PNPLA7: variants seen among roughly 807,000 people sequenced by gnomAD.
The protein encoded by PNPLA7 is patatin like domain 7, lysophospholipase, also known as patatin-like phospholipase domain-containing protein 7.
In PNPLA7, 153 loss-of-function variants were observed where a neutral mutation model predicts 161.7. That is an observed-to-expected ratio of 0.95 (90% CI 0.83 to 1.08). PNPLA7 has a LOEUF of 1.08. Among genes scored for constraint, PNPLA7 ranks in the 50% least tolerant of loss-of-function variants. The pLI, the probability that PNPLA7 is intolerant of heterozygous loss-of-function variation, is 0.00. For missense variants in PNPLA7, 1,739 were observed against 1,856.6 expected (o/e 0.94, Z 1.16); for synonymous variants, 809 against 782.1 (o/e 1.03, Z -0.57).
In PNPLA7 at chr9:137,518,543, TC is replaced by T. The variant is rs553883442; in HGVS notation, c.1084+1373del. ...CACTCACTCCACTCTGCTCACTCCA[TC>T]CCCCACTCACTCGCTCCACTCTGTC... On this transcript the variant is annotated intron_variant, in intron 11 of 34. Coordinates refer to ENST00000406427, the MANE Select transcript of PNPLA7 (RefSeq NM_001098537.3). Among the ~76,000 whole-genome samples, 53 of 54,750 alleles carry T rather than the reference TC, an allele frequency of 9.7e-4. 1 individual carries two copies. Among genetic ancestry groups the T allele is most frequent in the Non-Finnish European group, 1.5e-3 (42 of 28,906 alleles). 35.9% of individuals were successfully genotyped at this position (54,750 alleles called of 152,430 possible). A position where few individuals can be genotyped will look rare whatever the true frequency, so the allele number is the denominator to read the frequency against.
Position 137,500,874 on chromosome 9 carries a change from A to G in PNPLA7, c.1574T>C (p.Val525Ala). The change falls in exon 16 of 35, where the codon GTC becomes GCC. Residue 525 changes from valine (V) to alanine (A), a missense_variant. Val to Ala is a moderately conservative substitution (Grantham distance 64). Transcript: ENST00000406427. This position sits in a 1 kb window ranked among gnomAD's most constrained non-coding sequence, Gnocchi z 5.5. Reference protein sequence around the residue: ...GDQDASILFVVSGLLHVYQRK... With the variant: ...GDQDASILFVASGLLHVYQRK... Reference sequence around the variant, plus strand: ...CTGGTACACGTGCAGCAGCCCCGAGACCACGAACAGGATGCTGGCGTCCTG... The same window carrying G: ...CTGGTACACGTGCAGCAGCCCCGAGGCCACGAACAGGATGCTGGCGTCCTG... The G allele has an allele frequency of 1.3e-6, 2 of 1,581,188 alleles. No individual in the cohort carries two copies. The highest frequency in any genetic ancestry group is 4.6e-5 in the East Asian group (2 of 43,800).
intron 12 of PNPLA7, among the ~76,000 whole-genome samples, chr9:137,510,037 A>C (rs1834134287): frequency 6.6e-6 from 1 of 152,194 alleles, no homozygotes; most frequent in Admixed American, 6.5e-5. Flanking sequence ...CAAGAGTGCG[A>C]GCCTTCTGTT....
rs895978637 is a variant in PNPLA7, at chr9:137,520,791, C to T, written c.958-748G>A. 3.9e-5 allele frequency among the ~76,000 whole-genome samples: 6 copies of T among 152,216 alleles called. No homozygotes were observed. The highest frequency in any genetic ancestry group is 1.2e-4 in the African/African-American group (5 of 41,460). On this transcript the variant is annotated intron_variant, in intron 10 of 34. Coordinates refer to ENST00000406427, the MANE Select transcript of PNPLA7 (RefSeq NM_001098537.3). The surrounding 1 kb of genome is among the most constrained non-coding windows in gnomAD (Gnocchi z 5.2). ...GAGCCGGGGTTGACAGCCTTGTGCC[C>T]TTGACAATGCGCTGTACCCTCCAAA...
intron 10 of PNPLA7, among the ~76,000 whole-genome samples, chr9:137,521,070 C>A (rs1055794240): frequency 2.6e-5 from 4 of 151,228 alleles, no homozygotes; most frequent in Non-Finnish European, 4.4e-5. Context: ...GCCATAGGGA[C>A]CCCATGGGAC....
At chr9:137,539,899 C>T (rs1296007744) in intron 8 of PNPLA7, among the ~76,000 whole-genome samples, 2 of 152,150 alleles carry the variant, frequency 1.3e-5, no homozygotes, top group Non-Finnish European at 2.9e-5. Flanking sequence ...GATTCTCCTG[C>T]CTCAGCCTCC....
At chr9:137,463,563 C>A in intron 28 of PNPLA7, 32 bp from the exon 29 acceptor site, 1 of 1,490,862 alleles carries the variant, frequency 6.7e-7, no homozygotes, top group South Asian at 1.2e-5. Flanking sequence ...GCTGGTTACC[C>A]GGAGGAGGCT....
At chr9:137,503,859 AAGG>A (rs1480045610) in intron 14 of PNPLA7, among the ~76,000 whole-genome samples, 1 of 28,452 alleles carries the variant, frequency 3.5e-5, no homozygotes, top group Admixed American at 3.3e-4. Context: ...GAAGAAGAAG[AAGG>A]AGGAGGAAGG....
In PNPLA7 at chr9:137,500,997, G is replaced by A; in HGVS notation, c.1552-101C>T. The A allele has an allele frequency of 1.9e-6, 2 of 1,068,512 alleles. No homozygotes were observed. Among genetic ancestry groups the A allele is most frequent in the South Asian group, 3.1e-5 (2 of 65,300 alleles). 66.2% of individuals were successfully genotyped at this position (1,068,512 alleles called of 1,614,324 possible). The stretch of plus-strand genomic sequence containing the variant: ...ACGATGCCACCAGGCTCAGCCGGGA[G>A]ACCATCCGCCGACCTGATCAGCTCT... On this transcript the variant is annotated intron_variant, in intron 15 of 34. Coordinates refer to ENST00000406427, the MANE Select transcript of PNPLA7 (RefSeq NM_001098537.3). This position sits in a 1 kb window ranked among gnomAD's most constrained non-coding sequence, Gnocchi z 5.5.
Position 137,515,470 on chromosome 9 carries a change from G to T in PNPLA7, c.1134C>A (p.Ser378Arg). Residue 378 changes from serine to arginine, a missense_variant, in exon 12 of 35, where the codon AGC (serine) becomes AGA (arginine). Ser to Arg is a moderately radical substitution (Grantham distance 110). Coordinates refer to ENST00000406427, the MANE Select transcript of PNPLA7 (RefSeq NM_001098537.3). ...GAATGGAAGGCGCGGGGACGGAGTG[G>T]CTCCTCTTCAGCAGGGGCCCAGCAG... ...PAAAGPLLKR[S>R]HSVPAPSIRK... 6.3e-7 allele frequency: 1 copy of T among 1,584,742 alleles called. No homozygotes were observed. Among genetic ancestry groups the T allele is most frequent in the South Asian group, 1.2e-5 (1 of 86,704 alleles).
chr9:137,534,277 T>G (rs759713023), intron 8 of PNPLA7, among the ~76,000 whole-genome samples: 4 of 147,478 alleles, frequency 2.7e-5, no homozygotes, highest in Non-Finnish European at 4.5e-5. Flanking sequence ...CCTCAGTGAG[T>G]GTCCACTCCA....
chr9:137,489,148 T>C (rs1440864609), intron 20 of PNPLA7, among the ~76,000 whole-genome samples: 1 of 151,498 alleles, frequency 6.6e-6, no homozygotes, highest in African/African-American at 2.4e-5. Context: ...TCCTGCCAAC[T>C]AGAGGTAGGA....
At position 137,479,046 on chromosome 9, in the gene PNPLA7, C is replaced by T; in HGVS notation, c.2763+10G>A. The T allele has an allele frequency of 1.3e-6, 2 of 1,562,336 alleles. No individual in the cohort carries two copies. The highest frequency in any genetic ancestry group is 1.8e-5 in the Admixed American group (1 of 55,332). On this transcript the variant is annotated intron_variant, in intron 24 of 34. Coordinates refer to ENST00000406427, the MANE Select transcript of PNPLA7 (RefSeq NM_001098537.3). The stretch of plus-strand genomic sequence containing the variant: ...AGCCACGGGCAGGCAGCCTCCTCTC[C>T]CCGCCTCACCAGCTTGGGCAGGCTC...
intron 11 of PNPLA7, among the ~76,000 whole-genome samples, chr9:137,516,908 G>A (rs932804659): frequency 6.6e-6 from 1 of 151,738 alleles, no homozygotes; most frequent in Admixed American, 6.6e-5. Flanking sequence ...TTTAAAGGTG[G>A]CTGTGATCCT....
rs776388353 is a variant in PNPLA7, at chr9:137,537,595, G to A, written c.747+3047C>T. 1.3e-5 allele frequency among the ~76,000 whole-genome samples: 2 copies of A among 152,100 alleles called. No individual in the cohort carries two copies. The highest frequency in any genetic ancestry group is 1.9e-4 in the East Asian group (1 of 5,192). On this transcript the variant is annotated intron_variant, in intron 8 of 34. Transcript: ENST00000406427. This position sits in a 1 kb window ranked among gnomAD's most constrained non-coding sequence, Gnocchi z 4.5. ...CTCCCAAAGTGCTGGGATTACAGGC[G>A]TGAGCCACCGTGCTCAGCCAATCAC...
At position 137,491,580 on chromosome 9, in the gene PNPLA7, T is replaced by C. The variant is rs149552127; in HGVS notation, c.2197+1433A>G. On this transcript the variant is annotated intron_variant, in intron 20 of 34. Transcript: ENST00000406427. Reference sequence around the variant, plus strand: ...GAGAGTGAAGAGTTACATTACGTGTTAGTGTCCCCCCAAATTCATGTCTAC... The same window carrying C: ...GAGAGTGAAGAGTTACATTACGTGTCAGTGTCCCCCCAAATTCATGTCTAC... 550 of 985,440 alleles carry C rather than the reference T, an allele frequency of 5.6e-4. No individual in the cohort carries two copies. The Middle Eastern group carries it at 0.014, about 24-fold the overall frequency. The allele number at this position is 985,440 out of a possible 1,614,324, so 61.0% of individuals were successfully genotyped here.
Position 137,540,557 on chromosome 9 carries a change from T to C in PNPLA7, c.747+85A>G. On this transcript the variant is annotated intron_variant, in intron 8 of 34. Transcript: ENST00000406427. The surrounding 1 kb of genome is among the most constrained non-coding windows in gnomAD (Gnocchi z 5.1). Reference sequence around the variant, plus strand: ...CTGTGGAGAACTGGCCTTTAACCACTACCAGCTGTCCAGACAAGACAGAAA... The same window carrying C: ...CTGTGGAGAACTGGCCTTTAACCACCACCAGCTGTCCAGACAAGACAGAAA... 8.0e-7 allele frequency: 1 copy of C among 1,247,154 alleles called. No individual in the cohort carries two copies. Among genetic ancestry groups the C allele is most frequent in the Non-Finnish European group, 1.1e-6 (1 of 882,774 alleles). 77.3% of individuals were successfully genotyped at this position (1,247,154 alleles called of 1,614,324 possible).
chr9:137,477,891 A>C lies in PNPLA7; in HGVS notation c.2882+143T>G, dbSNP rs1324796749. On this transcript the variant is annotated intron_variant, in intron 25 of 34. Transcript: ENST00000406427. ...CTGCTCAGAGGACAGGCCGGGGTGG[A>C]GGCTGGGTCTGGACAGGCGGCCTGA... 1.2e-5 allele frequency: 7 copies of C among 600,338 alleles called. No individual in the cohort carries two copies. The Admixed American group carries it at 1.7e-4, about 15-fold the overall frequency. 37.2% of individuals were successfully genotyped at this position (600,338 alleles called of 1,614,324 possible).
chr9:137,540,782 C>T lies in PNPLA7; in HGVS notation c.667-60G>A, dbSNP rs779506045. 10 of 1,501,028 alleles carry T rather than the reference C, an allele frequency of 6.7e-6. No homozygotes were observed. The highest frequency in any genetic ancestry group is 5.6e-5 in the Admixed American group (3 of 53,262). The allele number at this position is 1,501,028 out of a possible 1,614,324, so 93.0% of individuals were successfully genotyped here. On this transcript the variant is annotated intron_variant, in intron 7 of 34. Coordinates refer to ENST00000406427, the MANE Select transcript of PNPLA7 (RefSeq NM_001098537.3). This position sits in a 1 kb window ranked among gnomAD's most constrained non-coding sequence, Gnocchi z 5.1. ...CTGGGGCTGCGACCGCGGGGCCTGG[C>T]GGAGGCTCAGCCCAGCCCAGGGCAG...
Position 137,522,840 on chromosome 9 carries a change from G to C in PNPLA7, c.765C>G (p.Tyr255Ter). 2 of 1,613,576 alleles carry C rather than the reference G, an allele frequency of 1.2e-6. No homozygotes were observed. The highest frequency in any genetic ancestry group is 1.7e-6 in the Non-Finnish European group (2 of 1,179,908). Residue 255 changes from tyrosine to a stop codon, truncating the protein, a stop_gained, in exon 9 of 35, where the codon TAC (tyrosine) becomes TAG (stop). Transcript: ENST00000406427. LOFTEE classifies it high-confidence loss of function. ...TGGCCGCGCGGACGGAGACCGTTTT[G>C]TAAGGTGCAGCATGGCCCTGTAACA... ...LDIITGHAAP[Y>*]KTVSVRAAIP...
Sources: allele counts gnomAD v4.1 joint callset (sites outside exome capture counted in the v4.1 genomes callset), GRCh38; gene constraint gnomAD v4.1.1; non-coding constraint Gnocchi (gnomAD v3.1); transcripts MANE v1.5; gene names NCBI Gene and HGNC (gene_info 2026-07-23, HGNC 2026-07-21).